NUP210: variants seen among roughly 807,000 people sequenced by gnomAD.
NUP210 encodes nuclear pore membrane glycoprotein 210.
NUP210 carries 151 observed loss-of-function variants against 196.0 expected under a neutral mutation model. The ratio of observed to expected loss-of-function variants is 0.77; its 90% confidence interval spans 0.67 to 0.88. NUP210 has a LOEUF of 0.88. Ranked by LOEUF, NUP210 falls within the 40% of genes least tolerant of loss-of-function variation. The pLI is 0.00. For missense variants in NUP210, 2,314 were observed against 2,493.7 expected (o/e 0.93, Z 1.53); for synonymous variants, 1,070 against 1,052.7 (o/e 1.02, Z -0.32).
intron 11 of NUP210, among the ~76,000 whole-genome samples, chr3:13,374,285 CACAT>C (rs1222149866): frequency 1.3e-5 from 2 of 152,342 alleles, no homozygotes; most frequent in Admixed American, 1.3e-4. Context: ...ACGGTACACT[CACAT>C]ACATTCACCT....
intron 5 of NUP210, among the ~76,000 whole-genome samples, chr3:13,387,964 TG>T (rs924686760): frequency 2.6e-5 from 4 of 152,020 alleles, no homozygotes; most frequent in Non-Finnish European, 5.9e-5. Flanking sequence ...CCCAAGTGCT[TG>T]GGAGTGTCCC....
chr3:13,397,391 G>A lies in NUP210; in HGVS notation c.402C>T (p.Pro134=). The part of the protein sequence containing the change: ...TTRELYLEDS[P]LELKIQALDS... Reference sequence around the variant, plus strand: ...CCAGGGCCTGGATCTTCAGCTCCAGGGGGGAGTCCTCCAGGTAGAGCTCGC... The same window carrying A: ...CCAGGGCCTGGATCTTCAGCTCCAGAGGGGAGTCCTCCAGGTAGAGCTCGC... The change falls in exon 3 of 40, where the codon CCC becomes CCT. Residue 134 remains proline, a synonymous_variant. Coordinates refer to ENST00000254508, the MANE Select transcript of NUP210 (RefSeq NM_024923.4). 1.2e-6 allele frequency: 2 copies of A among 1,612,080 alleles called. No individual in the cohort carries two copies. Among genetic ancestry groups the A allele is most frequent in the Non-Finnish European group, 1.7e-6 (2 of 1,179,280 alleles).
chr3:13,401,709 G>A lies in NUP210; in HGVS notation c.168-1848C>T, dbSNP rs116015721. The stretch of plus-strand genomic sequence containing the variant: ...CTAGTGCCCTACGGTGTTTTTCGAG[G>A]GGCTTTAAACTTCCCATACACAAGC... On this transcript the variant is annotated intron_variant, in intron 1 of 39. Coordinates refer to ENST00000254508, the MANE Select transcript of NUP210 (RefSeq NM_024923.4). 3.2e-3 allele frequency among the ~76,000 whole-genome samples: 486 copies of A among 152,162 alleles called. 3 individuals carry two copies. Among genetic ancestry groups the A allele is most frequent in the African/African-American group, 0.011 (475 of 41,500 alleles).
intron 6 of NUP210, among the ~76,000 whole-genome samples, chr3:13,385,701 G>T (rs776163796): frequency 7.2e-5 from 11 of 152,212 alleles, no homozygotes; most frequent in Non-Finnish European, 1.5e-4. Context: ...GAATTTGAAA[G>T]CAGGGACTCA....
At chr3:13,322,046 C>T (rs1354619079) in intron 35 of NUP210, 147 bp downstream of exon 35, 3 of 1,178,538 alleles carry the variant, frequency 2.5e-6, no homozygotes, top group Non-Finnish European at 3.6e-6. Context: ...CCCAAGTCCC[C>T]CTGGCGTCAA....
intron 1 of NUP210, among the ~76,000 whole-genome samples, chr3:13,408,831 A>G (rs1201660423): frequency 6.6e-6 from 1 of 151,050 alleles, no homozygotes; most frequent in East Asian, 1.9e-4. Context: ...ACTTAATTTT[A>G]TCAAATGTAC....
chr3:13,332,392 A>T lies in NUP210; in HGVS notation c.3844-8T>A, dbSNP rs1697032131. The T allele has an allele frequency of 5.6e-6, 9 of 1,610,488 alleles. No individual in the cohort carries two copies. Among genetic ancestry groups the T allele is most frequent in the Non-Finnish European group, 7.6e-6 (9 of 1,177,610 alleles). On this transcript the variant is annotated splice_region_variant and splice_polypyrimidine_tract_variant and intron_variant, in intron 28 of 39. Transcript: ENST00000254508. ...CTGCAGCTTCTCAAACACCTGCAAG[A>T]GAGGGCAAGTTTCACTTCCGATGGG...
At chr3:13,354,230 G>A in intron 16 of NUP210, 123 bp from the exon 17 acceptor site, 1 of 804,588 alleles carries the variant, frequency 1.2e-6, no homozygotes, top group Non-Finnish European at 2.0e-6. Context: ...GTGAGGGAAT[G>A]GGATATGCCA....
At chr3:13,385,256 G>A (rs1458613584) in intron 6 of NUP210, among the ~76,000 whole-genome samples, 1 of 152,160 alleles carries the variant, frequency 6.6e-6, no homozygotes, top group Non-Finnish European at 1.5e-5. Flanking sequence ...GTGTGTATCT[G>A]CCTGCCTCTT....
chr3:13,409,880 A>G (rs1401503057), intron 1 of NUP210, among the ~76,000 whole-genome samples: 2 of 150,010 alleles, frequency 1.3e-5, no homozygotes, highest in Non-Finnish European at 2.9e-5. Context: ...TCTGTCACCC[A>G]GGCTGGAGTG....
In NUP210 at chr3:13,360,473, C is replaced by T. The variant is rs571556669; in HGVS notation, c.1951G>A (p.Val651Ile). The T allele has an allele frequency of 5.6e-6, 9 of 1,611,022 alleles. No individual in the cohort carries two copies. The African/African-American group carries it at 1.2e-4, about 21-fold the overall frequency. The part of the protein sequence containing the change: ...LPLKAVDPSS[V>I]ALVTLGSSKE... The stretch of plus-strand genomic sequence containing the variant: ...GAGGAGCCCAGGGTTACCAAGGCAA[C>T]AGAGGAGGGATCCACAGCCTGGGGA... The change falls in exon 15 of 40, where the codon GTT (valine) becomes ATT (isoleucine). Residue 651 changes from valine to isoleucine, a missense_variant. Transcript: ENST00000254508.
rs1455464083 is a variant in NUP210, at chr3:13,419,359, CT to C, written c.167+700del. ...ACTGCACCGCCCTGTCAGTGTCGGT[CT>C]CTGGTTTCATGGGTCCCTGTGGTTC... is the stretch of plus-strand genomic sequence containing the variant. On this transcript the variant is annotated intron_variant, in intron 1 of 39. Transcript: ENST00000254508. Among the ~76,000 whole-genome samples, 4 of 152,304 alleles carry C rather than the reference CT, an allele frequency of 2.6e-5. No individual in the cohort carries two copies. In the East Asian group the frequency reaches 7.8e-4, roughly 30 times the overall value.
chr3:13,341,727 T>A (rs769011372), intron 23 of NUP210, 21 bp downstream of exon 23: 14 of 1,613,664 alleles, frequency 8.7e-6, no homozygotes, highest in Non-Finnish European at 1.2e-5. Flanking sequence ...TCCCACATGG[T>A]GTGGGAAGAA....
At chr3:13,417,791 G>A (rs913849985) in intron 1 of NUP210, among the ~76,000 whole-genome samples, 1 of 152,102 alleles carries the variant, frequency 6.6e-6, no homozygotes, top group Non-Finnish European at 1.5e-5. Context: ...CGCCAAACAC[G>A]TTATAAGGTA....
At position 13,321,007 on chromosome 3, in the gene NUP210, G is replaced by C. The variant is rs576877450; in HGVS notation, c.5166+578C>G. Among the ~76,000 whole-genome samples, 478 of 152,316 alleles carry C rather than the reference G, an allele frequency of 3.1e-3. 3 individuals are homozygous for C. Among genetic ancestry groups the C allele is most frequent in the African/African-American group, 0.011 (465 of 41,566 alleles). ...GGGCTGGCCCTCCTCCCTCATCAGC[G>C]ATGCTGAGCATTCCCTGCCTCTGCA... On this transcript the variant is annotated intron_variant, in intron 36 of 39. Coordinates refer to ENST00000254508, the MANE Select transcript of NUP210 (RefSeq NM_024923.4).
intron 10 of NUP210, among the ~76,000 whole-genome samples, chr3:13,376,079 C>A (rs779833989): frequency 5.9e-5 from 9 of 152,156 alleles, no homozygotes; most frequent in Non-Finnish European, 1.2e-4. Flanking sequence ...ACACCCAGGC[C>A]GATTTTCCAA....
chr3:13,318,074 A>T (rs925536393), intron 39 of NUP210, among the ~76,000 whole-genome samples: 1 of 152,196 alleles, frequency 6.6e-6, no homozygotes, highest in Non-Finnish European at 1.5e-5. Flanking sequence ...TGAGGCAGGG[A>T]GGCCCCGTGC....
chr3:13,330,713 G>A (rs1275024313), intron 29 of NUP210, 79 bp from the exon 30 acceptor site: 2 of 1,386,288 alleles, frequency 1.4e-6, no homozygotes, highest in Non-Finnish European at 2.0e-6. Flanking sequence ...GGAGATCTAA[G>A]AGTCTGTGGC....
Position 13,420,077 on chromosome 3 carries a change from C to T in NUP210, c.150G>A (p.Ser50=), listed in dbSNP as rs1345893242. The T allele has an allele frequency of 1.2e-5, 16 of 1,365,672 alleles. No individual in the cohort carries two copies. The highest frequency in any genetic ancestry group is 1.5e-5 in the Non-Finnish European group (16 of 1,038,224). 84.6% of individuals were successfully genotyped at this position (1,365,672 alleles called of 1,614,324 possible). ...ATRVNFTLEA[S]EGCYRWLSTR... ...CGCCTCACCAGCGGTAGCAGCCCTC[C>T]GAGGCCTCCAGCGTGAAGTTAACGC... The change falls in exon 1 of 40, where the codon TCG becomes TCA. Residue 50 remains serine, a synonymous_variant. Transcript: ENST00000254508. This position sits in a 1 kb window ranked among gnomAD's most constrained non-coding sequence, Gnocchi z 4.8.
Sources: gnomAD v4.1 joint callset for allele counts (sites outside exome capture counted in the v4.1 genomes callset) on GRCh38, gnomAD v4.1.1 for gene constraint, Gnocchi (gnomAD v3.1) non-coding constraint, MANE v1.5 for transcripts, NCBI Gene and HGNC (gene_info 2026-07-23, HGNC 2026-07-21) for gene names.